KHSRP: variants seen among roughly 807,000 people sequenced by gnomAD.
KHSRP encodes the protein far upstream element-binding protein 2.
A neutral mutation model predicts 94.9 loss-of-function variants in KHSRP; 13 were observed. The ratio of observed to expected loss-of-function variants is 0.14; its 90% CI spans 0.09 to 0.22. The LOEUF (loss-of-function observed/expected upper bound fraction) is 0.22, where lower values mean the gene tolerates loss of function less well. Ranked by LOEUF, KHSRP falls within the 10% of genes least tolerant of loss-of-function variation. The pLI is 1.00. For missense variants in KHSRP, 710 were observed against 1,010.0 expected (o/e 0.70, Z 4.03); for synonymous variants, 495 against 401.4 (o/e 1.23, Z -2.79).
At position 6,415,751 on chromosome 19, in the gene KHSRP, G is replaced by T. The variant is rs746368203; in HGVS notation, c.1688-17C>A. 6.4e-7 allele frequency: 1 copy of T among 1,551,046 alleles called. No homozygotes were observed. The highest frequency in any genetic ancestry group is 8.7e-7 in the Non-Finnish European group (1 of 1,147,292). On this transcript the variant is annotated splice_polypyrimidine_tract_variant and intron_variant, in intron 16 of 18. Coordinates refer to ENST00000600480, the MANE Select transcript of KHSRP (RefSeq NM_001366299.1). ...CTGCTTTGCCTGCAGGAGATACCTCGGGTGAGACGGGGGGACAGAACAGGG... is the reference window on the plus strand; with the variant it reads ...CTGCTTTGCCTGCAGGAGATACCTCTGGTGAGACGGGGGGACAGAACAGGG...
chr19:6,416,422 A>G lies in KHSRP; in HGVS notation c.1489-15T>C. On this transcript the variant is annotated splice_polypyrimidine_tract_variant and intron_variant, in intron 14 of 18. Coordinates refer to ENST00000600480, the MANE Select transcript of KHSRP (RefSeq NM_001366299.1). ...CAGAGAGGACCCTAGAAGGAAGGAG[A>G]GTAACCAAGGTAAGTGGGCTGGGAT... 6.2e-7 allele frequency: 1 copy of G among 1,613,162 alleles called. No individual in the cohort carries two copies. The highest frequency in any genetic ancestry group is 8.5e-7 in the Non-Finnish European group (1 of 1,179,504).
intron 1 of KHSRP, among the ~76,000 whole-genome samples, chr19:6,422,755 G>A (rs1211413829): frequency 6.6e-6 from 1 of 152,092 alleles, no homozygotes; most frequent in Non-Finnish European, 1.5e-5. Flanking sequence ...AGGTGTCAGG[G>A]AGGGTTCCCA....
At position 6,418,531 on chromosome 19, in the gene KHSRP, C is replaced by T. The variant is rs201647817; in HGVS notation, c.831G>A (p.Thr277=). 10 of 1,613,968 alleles carry T rather than the reference C, an allele frequency of 6.2e-6. No homozygotes were observed. Among genetic ancestry groups the T allele is most frequent in the Admixed American group, 3.3e-5 (2 of 60,022 alleles). Reference sequence around the variant, plus strand: ...TGATGCGGAGAGGTTTGTCCACATTCGTATTCTGAGATCCGTCCTGAATTA... The same window carrying T: ...TGATGCGGAGAGGTTTGTCCACATTTGTATTCTGAGATCCGTCCTGAATTA... The part of the protein sequence containing the change: ...MILIQDGSQN[T]NVDKPLRIIG... The change falls in exon 9 of 19, where the codon ACG becomes ACA. Residue 277 remains threonine (T), a synonymous_variant. Transcript: ENST00000600480. The surrounding 1 kb of genome is among the most constrained non-coding windows in gnomAD (Gnocchi z 4.3).
Position 6,424,543 on chromosome 19 carries a change from C to A in KHSRP, c.159G>T (p.Gly53=). 3.1e-6 allele frequency: 3 copies of A among 973,686 alleles called. No homozygotes were observed. Among genetic ancestry groups the A allele is most frequent in the Non-Finnish European group, 3.7e-6 (3 of 821,760 alleles). The allele number at this position is 973,686 out of a possible 1,614,324, so 60.3% of individuals were successfully genotyped here. ...GTGGCTGAGAGGGGCCCCCGGCCGA[C>A]CCCCCGCCCGGGCCGCCGCCGCCGG... ...GGPGGGGPGG[G]SAGGPSQPPG... Residue 53 remains glycine (G), a synonymous_variant, in exon 1 of 19, where the codon GGG becomes GGT. Coordinates refer to ENST00000600480, the MANE Select transcript of KHSRP (RefSeq NM_001366299.1).
At position 6,413,315 on chromosome 19, in the gene KHSRP, A is replaced by G; in HGVS notation, c.*1709T>C. 3.6e-6 allele frequency: 1 copy of G among 279,174 alleles called. No homozygotes were observed. Among genetic ancestry groups the G allele is most frequent in the Non-Finnish European group, 7.3e-6 (1 of 137,590 alleles). 17.3% of individuals were successfully genotyped at this position (279,174 alleles called of 1,614,324 possible). ...CTTCAAAACTACAGGGAGGGAAGGAAAGGGGGGGAGACAGACAGCACCCGC... is the reference window on the plus strand; with the variant it reads ...CTTCAAAACTACAGGGAGGGAAGGAGAGGGGGGGAGACAGACAGCACCCGC... On this transcript the variant is annotated 3_prime_UTR_variant, in exon 19 of 19. Coordinates refer to ENST00000600480, the MANE Select transcript of KHSRP (RefSeq NM_001366299.1).
chr19:6,416,360 A>G lies in KHSRP; in HGVS notation c.1536T>C (p.Ala512=). 1 of 1,611,398 alleles carries G rather than the reference A, an allele frequency of 6.2e-7. No homozygotes were observed. Among genetic ancestry groups the G allele is most frequent in the Non-Finnish European group, 8.5e-7 (1 of 1,179,208 alleles). The change falls in exon 15 of 19, where the codon GCT becomes GCC. Residue 512 remains alanine (A), a synonymous_variant. Coordinates refer to ENST00000600480, the MANE Select transcript of KHSRP (RefSeq NM_001366299.1). ...VGPGPGGPGP[A]GPMGPFNPGP... The stretch of plus-strand genomic sequence containing the variant: ...CAGGATTGAAGGGCCCCATTGGGCC[A>G]GCAGGGCCTGGGCCACCTGGGCCTG...
intron 11 of KHSRP, 78 bp downstream of exon 11, chr19:6,417,661 T>C (rs944103929): frequency 2.3e-5 from 29 of 1,254,052 alleles, no homozygotes; most frequent in Middle Eastern, 2.3e-4. Flanking sequence ...CTGACCACGG[T>C]GCCCAGCTCC....
chr19:6,418,841 C>T lies in KHSRP; in HGVS notation c.641G>A (p.Arg214Gln), dbSNP rs1568343759. Residue 214 changes from arginine to glutamine, a missense_variant, in exon 8 of 19, where the codon CGG becomes CAG. Coordinates refer to ENST00000600480, the MANE Select transcript of KHSRP (RefSeq NM_001366299.1). The surrounding 1 kb of genome is among the most constrained non-coding windows in gnomAD (Gnocchi z 4.3). ...CTGTCCTGGGGGGCCCCCACGACCC[C>T]GAGACACAATGTCATCCAGCATCAT... Reference protein sequence around the residue: ...AKMMLDDIVSRGRGGPPGQFH... With the variant: ...AKMMLDDIVSQGRGGPPGQFH... The T allele has an allele frequency of 4.5e-6, 7 of 1,560,760 alleles. No homozygotes were observed. Among genetic ancestry groups the T allele is most frequent in the Non-Finnish European group, 5.2e-6 (6 of 1,158,596 alleles).
intron 3 of KHSRP, 38 bp from the exon 4 acceptor site, chr19:6,421,355 T>C: frequency 6.4e-7 from 1 of 1,568,042 alleles, no homozygotes. Flanking sequence ...CTGGCTTAGC[T>C]CCTCCTCGGG....
At position 6,418,803 on chromosome 19, in the gene KHSRP, C is replaced by T. The variant is rs370340815; in HGVS notation, c.679G>A (p.Ala227Thr). 4 of 1,596,566 alleles carry T rather than the reference C, an allele frequency of 2.5e-6. No individual in the cohort carries two copies. Among genetic ancestry groups the T allele is most frequent in the South Asian group, 1.1e-5 (1 of 88,874 alleles). Residue 227 changes from alanine (A) to threonine (T), a missense_variant, in exon 8 of 19, where the codon GCC becomes ACC. Physicochemically the swap from Ala to Thr is moderately conservative, Grantham distance 58. Coordinates refer to ENST00000600480, the MANE Select transcript of KHSRP (RefSeq NM_001366299.1). The surrounding 1 kb of genome is among the most constrained non-coding windows in gnomAD (Gnocchi z 4.3). ...ACGGTGCCGTTCTGGCCCCCGTTGG[C>T]GTTGTCGTGGAACTGTCCTGGGGGG... ...GGPPGQFHDN[A>T]NGGQNGTVQE...
chr19:6,413,501 G>A lies in KHSRP; in HGVS notation c.*1523C>T, dbSNP rs185368013. ...ACAGACCAGTCCTGGGAGGGGGGACGGGCGGGGCCGCGGGAGCTGAGCCAG... is the reference window on the plus strand; with the variant it reads ...ACAGACCAGTCCTGGGAGGGGGGACAGGCGGGGCCGCGGGAGCTGAGCCAG... On this transcript the variant is annotated 3_prime_UTR_variant, in exon 19 of 19. Transcript: ENST00000600480. 1.8e-4 allele frequency: 62 copies of A among 347,706 alleles called. No individual in the cohort carries two copies. Among genetic ancestry groups the A allele is most frequent in the Middle Eastern group, 7.3e-4 (1 of 1,362 alleles). The allele number at this position is 347,706 out of a possible 1,614,324, so 21.5% of individuals were successfully genotyped here. A position where few individuals can be genotyped will look rare whatever the true frequency, so the allele number is the denominator to read the frequency against.
At chr19:6,417,235 T>G in intron 11 of KHSRP, 148 bp from the exon 12 acceptor site, 1 of 670,340 alleles carries the variant, frequency 1.5e-6, no homozygotes, top group Non-Finnish European at 2.5e-6. Context: ...GCTCAGGGAT[T>G]GAGGGGGAGG....
chr19:6,420,014 G>C (rs954842431), intron 6 of KHSRP, 59 bp downstream of exon 6: 1 of 1,307,540 alleles, frequency 7.6e-7, no homozygotes, highest in Non-Finnish European at 1.1e-6. Flanking sequence ...GTAATTAAAG[G>C]AAAGTGCAAA....
chr19:6,422,346 C>T lies in KHSRP; in HGVS notation c.340G>A (p.Asp114Asn). 1 of 1,611,916 alleles carries T rather than the reference C, an allele frequency of 6.2e-7. No individual in the cohort carries two copies. The highest frequency in any genetic ancestry group is 1.3e-5 in the African/African-American group (1 of 75,022). The change falls in exon 2 of 19, where the codon GAT (aspartate) becomes AAT (asparagine). Residue 114 changes from aspartate to asparagine, a missense_variant. By Grantham distance (23) the Asp-to-Asn change is conservative. Transcript: ENST00000600480. ...GFGGQKRQLE[D>N]GDQPESKKLA... ...GGCAGCAGCAGGGAGTTACCTCCAT[C>T]TTCCAACTGTCTCTTTTGGCCCCCA...
Position 6,421,643 on chromosome 19 carries a change from G to A in KHSRP, c.385+7C>T. On this transcript the variant is annotated splice_region_variant and intron_variant, in intron 3 of 18. Transcript: ENST00000600480. ...CACATATCTGCCACCAGACCCCCTG[G>A]ACTTACAGTCTCCCTGGGAAGCCAG... 6.2e-7 allele frequency: 1 copy of A among 1,613,792 alleles called. No individual in the cohort carries two copies. The highest frequency in any genetic ancestry group is 8.5e-7 in the Non-Finnish European group (1 of 1,179,816).
In KHSRP at chr19:6,414,218, G is replaced by C. The variant is rs767612961; in HGVS notation, c.*806C>G. 4 of 1,523,562 alleles carry C rather than the reference G, an allele frequency of 2.6e-6. No homozygotes were observed. The highest frequency in any genetic ancestry group is 2.4e-5 in the East Asian group (1 of 42,418). The allele number at this position is 1,523,562 out of a possible 1,614,324, so 94.4% of individuals were successfully genotyped here. ...GGAGGGGCTGGAACACCGTGGGGGGGGCCAGGAAGCCCCCTCCCAAACCTG... is the reference window on the plus strand; with the variant it reads ...GGAGGGGCTGGAACACCGTGGGGGGCGCCAGGAAGCCCCCTCCCAAACCTG... On this transcript the variant is annotated 3_prime_UTR_variant, in exon 19 of 19. Transcript: ENST00000600480.
Position 6,424,585 on chromosome 19 carries a change from G to T in KHSRP, c.117C>A (p.Asp39Glu). The T allele has an allele frequency of 1.0e-6, 1 of 956,878 alleles. No individual in the cohort carries two copies. The highest frequency in any genetic ancestry group is 1.2e-6 in the Non-Finnish European group (1 of 810,692). The allele number at this position is 956,878 out of a possible 1,614,324, so 59.3% of individuals were successfully genotyped here. The change falls in exon 1 of 19, where the codon GAC becomes GAA. Residue 39 changes from aspartate to glutamate, a missense_variant. Transcript: ENST00000600480. ...CGCCGCCGGGACCGCCGCCGCCCCG[G>T]TCCCCCGCGCCTGGCGGGCCCGGCG... ...GPPPGPPGAG[D>E]RGGGGPGGGG... is the part of the protein sequence containing the mutation.
In KHSRP at chr19:6,422,228, T is replaced by C. The variant is rs372517312; in HGVS notation, c.346+112A>G. 4.9e-5 allele frequency: 34 copies of C among 691,376 alleles called. No homozygotes were observed. The African/African-American group carries it at 5.4e-4, about 11-fold the overall frequency. The allele number at this position is 691,376 out of a possible 1,614,324, so 42.8% of individuals were successfully genotyped here. On this transcript the variant is annotated intron_variant, in intron 2 of 18. Transcript: ENST00000600480. ...AACAAGGCCGGGATTGCTGAGGTTT[T>C]AAAAGACCAAACAACAGTGACACCC...
Position 6,414,166 on chromosome 19 carries a change from G to A in KHSRP, c.*858C>T, listed in dbSNP as rs770307807. 1.9e-6 allele frequency: 3 copies of A among 1,599,694 alleles called. No homozygotes were observed. The highest frequency in any genetic ancestry group is 2.2e-5 in the East Asian group (1 of 44,488). On this transcript the variant is annotated 3_prime_UTR_variant, in exon 19 of 19. Transcript: ENST00000600480. The stretch of plus-strand genomic sequence containing the variant: ...GGAATTGGTCACTACGGGGAGGGAA[G>A]GGTGGGAGACTAGGGGGCGGAAGAG...
Sources: allele counts gnomAD v4.1 joint callset (sites outside exome capture counted in the v4.1 genomes callset), GRCh38; gene constraint gnomAD v4.1.1; non-coding constraint Gnocchi (gnomAD v3.1); transcripts MANE v1.5; gene names NCBI Gene and HGNC (gene_info 2026-07-23, HGNC 2026-07-21).